Variants in DCC observed in about 807,000 individuals in gnomAD.
DCC encodes the protein netrin receptor DCC.
In DCC, 58 loss-of-function variants were observed where a neutral mutation model predicts 172.5. The ratio of observed to expected loss-of-function variants is 0.34; its 90% CI spans 0.27 to 0.42. DCC has a LOEUF of 0.42. Among genes scored for constraint, DCC ranks in the 10% least tolerant of loss-of-function variants. The pLI, the probability that DCC is intolerant of heterozygous loss-of-function variation, is 1.00. For missense variants in DCC, 1,740 were observed against 1,791.0 expected (o/e 0.97, Z 0.51); for synonymous variants, 709 against 644.5 (o/e 1.10, Z -1.52).
In DCC at chr18:52,380,532, G is replaced by A. The variant is rs185212785; in HGVS notation, c.91+39654G>A. Reference sequence around the variant, plus strand: ...TCTCTAAACTCCATTCCCCACTTTCGAAACATCAATGGTCATTTCAGATGG... The same window carrying A: ...TCTCTAAACTCCATTCCCCACTTTCAAAACATCAATGGTCATTTCAGATGG... On this transcript the variant is annotated intron_variant, in intron 1 of 28. Coordinates refer to ENST00000442544, the MANE Select transcript of DCC (RefSeq NM_005215.4). Among the ~76,000 whole-genome samples, 15 of 152,102 alleles carry A rather than the reference G, an allele frequency of 9.9e-5. No individual in the cohort carries two copies. The East Asian group carries it at 1.7e-3, about 18-fold the overall frequency.
intron 5 of DCC, among the ~76,000 whole-genome samples, chr18:52,998,489 T>G (rs1044050111): frequency 6.6e-6 from 1 of 152,058 alleles, no homozygotes; most frequent in African/African-American, 2.4e-5. Flanking sequence ...AAAACAGGCT[T>G]CTTTTTAGAT....
At chr18:52,879,412 C>CCTTTTTTTT (rs2039447955) in intron 2 of DCC, among the ~76,000 whole-genome samples, 2 of 62,356 alleles carry the variant, frequency 3.2e-5, no homozygotes, top group African/African-American at 1.4e-4. Context: ...TGTTGTTTGG[C>CCTTTTTTTT]TTTTTTTTTT....
In DCC at chr18:53,223,231, C is replaced by T. The variant is rs563102003; in HGVS notation, c.1911+7634C>T. 5.3e-5 allele frequency among the ~76,000 whole-genome samples: 8 copies of T among 152,026 alleles called. No homozygotes were observed. The East Asian group carries it at 1.5e-3, about 29-fold the overall frequency. On this transcript the variant is annotated intron_variant, in intron 12 of 28. Transcript: ENST00000442544. ...CATATACATAAAATACATCATTTTTCTGTTGTGTTTTGAGAATGTTATATT... is the reference window on the plus strand; with the variant it reads ...CATATACATAAAATACATCATTTTTTTGTTGTGTTTTGAGAATGTTATATT...
Position 53,466,266 on chromosome 18 carries a change from GA to G in DCC, c.3620-1625del, listed in dbSNP as rs2045619879. Among the ~76,000 whole-genome samples the G allele has an allele frequency of 3.3e-5, 5 of 152,206 alleles. No homozygotes were observed. In the South Asian group the frequency reaches 8.3e-4, roughly 25 times the overall value. Reference sequence around the variant, plus strand: ...ACTTTTAAATGCTCTGGTCTCCTAGGAAACTTTTTTAGTATTTTTACCATTA... The same window carrying G: ...ACTTTTAAATGCTCTGGTCTCCTAGGAACTTTTTTAGTATTTTTACCATTA... On this transcript the variant is annotated intron_variant, in intron 24 of 28. Coordinates refer to ENST00000442544, the MANE Select transcript of DCC (RefSeq NM_005215.4).
chr18:53,477,582 A>G (rs1214472611), intron 25 of DCC, among the ~76,000 whole-genome samples: 1 of 152,172 alleles, frequency 6.6e-6, no homozygotes, highest in Non-Finnish European at 1.5e-5. Context: ...CATTATTCCT[A>G]TAAGATTGTT....
chr18:53,362,876 T>C (rs545126906), intron 15 of DCC, among the ~76,000 whole-genome samples: 2 of 152,146 alleles, frequency 1.3e-5, no homozygotes, highest in Admixed American at 1.3e-4. Context: ...ACATGCATTA[T>C]GAACAATGGA....
chr18:53,407,833 A>T (rs1258194599), intron 19 of DCC, among the ~76,000 whole-genome samples: 1 of 152,014 alleles, frequency 6.6e-6, no homozygotes, highest in East Asian at 1.9e-4. Flanking sequence ...AGGCAATTTT[A>T]TTGATGTTTA....
At chr18:53,214,287 A>C (rs1268935039) in intron 11 of DCC, among the ~76,000 whole-genome samples, 1 of 152,136 alleles carries the variant, frequency 6.6e-6, no homozygotes, top group Non-Finnish European at 1.5e-5. Flanking sequence ...TAAAAAAAAA[A>C]GATTTCATTT....
At chr18:53,464,410 A>G (rs745947603) in intron 24 of DCC, among the ~76,000 whole-genome samples, 4 of 152,158 alleles carry the variant, frequency 2.6e-5, no homozygotes, top group Non-Finnish European at 5.9e-5. Context: ...ACTTTTTATT[A>G]GTTATTTTGA....
chr18:53,269,236 T>A (rs977156379), intron 12 of DCC, among the ~76,000 whole-genome samples: 7 of 152,202 alleles, frequency 4.6e-5, no homozygotes, highest in African/African-American at 1.4e-4. Context: ...TATAAAATGA[T>A]AAAATGTGGT....
At chr18:53,170,666 G>A (rs1050910045) in intron 8 of DCC, among the ~76,000 whole-genome samples, 7 of 152,142 alleles carry the variant, frequency 4.6e-5, no homozygotes, top group Non-Finnish European at 7.3e-5. Context: ...TAAGTATCAG[G>A]TGCCATGTAT....
chr18:53,002,754 CG>C (rs1568238126), intron 5 of DCC, among the ~76,000 whole-genome samples: 1 of 151,932 alleles, frequency 6.6e-6, no homozygotes, highest in Admixed American at 6.6e-5. Flanking sequence ...TTAAAAGAAA[CG>C]TTTATTTTTG....
intron 5 of DCC, among the ~76,000 whole-genome samples, chr18:53,012,699 C>T (rs988218791): frequency 6.6e-6 from 1 of 151,966 alleles, no homozygotes; most frequent in Non-Finnish European, 1.5e-5. Flanking sequence ...AAAAGAAATA[C>T]AGTGAGTTGT....
intron 11 of DCC, among the ~76,000 whole-genome samples, chr18:53,208,289 A>G (rs570425415): frequency 1.3e-5 from 2 of 151,734 alleles, no homozygotes; most frequent in East Asian, 1.9e-4. Context: ...TTAAATAAAT[A>G]TATATGTATA....
At chr18:52,869,653 C>A (rs1200516828) in intron 2 of DCC, among the ~76,000 whole-genome samples, 1 of 152,198 alleles carries the variant, frequency 6.6e-6, no homozygotes, top group Admixed American at 6.5e-5. Flanking sequence ...CAGGCCAGCA[C>A]CGAGCTGCCC....
At chr18:52,670,338 CT>C (rs1418397750) in intron 1 of DCC, among the ~76,000 whole-genome samples, 1 of 152,114 alleles carries the variant, frequency 6.6e-6, no homozygotes, top group Admixed American at 6.5e-5. Flanking sequence ...AGTGTTACCC[CT>C]GGAAATGAAG....
chr18:52,992,147 T>C (rs1229221419), intron 5 of DCC, among the ~76,000 whole-genome samples: 1 of 152,218 alleles, frequency 6.6e-6, no homozygotes, highest in Non-Finnish European at 1.5e-5. Context: ...GGTGGAAGCA[T>C]GACGCTTAGT....
intron 1 of DCC, among the ~76,000 whole-genome samples, chr18:52,454,593 C>G (rs1988403906): frequency 6.6e-6 from 1 of 151,994 alleles, no homozygotes; most frequent in Non-Finnish European, 1.5e-5. Context: ...ACGGTATTAA[C>G]ATAAAATAGG....
chr18:52,497,642 G>A lies in DCC; in HGVS notation c.91+156764G>A, dbSNP rs2030854835. ...AATCCCAAGAGAATTGCTATTAGTA[G>A]TAGGTGCTGCTTATGTAATCGACAA... On this transcript the variant is annotated intron_variant, in intron 1 of 28. Transcript: ENST00000442544. Among the ~76,000 whole-genome samples, 3 of 151,990 alleles carry A rather than the reference G, an allele frequency of 2.0e-5. No homozygotes were observed. The South Asian group carries it at 6.2e-4, about 32-fold the overall frequency.
Sources: gnomAD v4.1 joint callset for allele counts (sites outside exome capture counted in the v4.1 genomes callset) on GRCh38, gnomAD v4.1.1 for gene constraint, MANE v1.5 for transcripts, NCBI Gene and HGNC (gene_info 2026-07-23, HGNC 2026-07-21) for gene names.